Variants in RAB3IP observed in about 807,000 individuals in gnomAD.
The protein encoded by RAB3IP is rab-3A-interacting protein.
A neutral mutation model predicts 59.1 loss-of-function variants in RAB3IP; 36 were observed. The observed-to-expected ratio is 0.61, with a 90% CI of 0.47 to 0.80. The LOEUF (loss-of-function observed/expected upper bound fraction) is 0.80. RAB3IP is among the 30% of genes least tolerant of loss of function. The pLI, the probability that RAB3IP is intolerant of heterozygous loss-of-function variation, is 0.00. For synonymous variants in RAB3IP, 207 were observed against 191.2 expected, an observed-to-expected ratio of 1.08 and a Z score of -0.68; for missense variants, 511 against 536.0, an observed-to-expected ratio of 0.95 and a Z score of 0.46.
chr12:69,782,138 G>A (rs1874831282), intron 3 of RAB3IP, among the ~76,000 whole-genome samples: 1 of 152,060 alleles, frequency 6.6e-6, no homozygotes, highest in African/African-American at 2.4e-5. Flanking sequence ...ATTCTAGTAG[G>A]TATGCAGGGT....
chr12:69,743,861 ACT>A (rs1887584504), intron 1 of RAB3IP, among the ~76,000 whole-genome samples: 1 of 116,636 alleles, frequency 8.6e-6, no homozygotes, highest in South Asian at 3.0e-4. Context: ...TTCTCTAAAG[ACT>A]CTTGTTTATT....
chr12:69,804,689 G>T (rs1370394564), intron 8 of RAB3IP, among the ~76,000 whole-genome samples: 1 of 151,962 alleles, frequency 6.6e-6, no homozygotes, highest in Non-Finnish European at 1.5e-5. Flanking sequence ...GTAAGGAAGG[G>T]ATCCAGTTTC....
At chr12:69,740,311 C>T (rs1887190403) in intron 1 of RAB3IP, among the ~76,000 whole-genome samples, 1 of 152,128 alleles carries the variant, frequency 6.6e-6, no homozygotes, top group Admixed American at 6.5e-5. Context: ...TATTTATTTA[C>T]TAGTACTGTG....
intron 1 of RAB3IP, among the ~76,000 whole-genome samples, chr12:69,749,907 G>A (rs1868956725): frequency 6.6e-6 from 1 of 152,176 alleles, no homozygotes; most frequent in Admixed American, 6.5e-5. Context: ...GCACAGAGTA[G>A]GTCATTAGTA....
At chr12:69,810,370 G>T (rs1842664255) in intron 8 of RAB3IP, among the ~76,000 whole-genome samples, 1 of 152,172 alleles carries the variant, frequency 6.6e-6, no homozygotes, top group Non-Finnish European at 1.5e-5. Flanking sequence ...GAGGCAGTCT[G>T]CCTGTTCTCA....
intron 3 of RAB3IP, among the ~76,000 whole-genome samples, chr12:69,782,933 T>A (rs1276897859): frequency 6.6e-6 from 1 of 152,188 alleles, no homozygotes; most frequent in Non-Finnish European, 1.5e-5. Context: ...TGAAGGACAC[T>A]TTGGCTGGCT....
At chr12:69,768,520 C>G (rs1592506139) in intron 3 of RAB3IP, among the ~76,000 whole-genome samples, 1 of 152,164 alleles carries the variant, frequency 6.6e-6, no homozygotes, top group Non-Finnish European at 1.5e-5. Context: ...GCTCAGGCTG[C>G]TGGGCCAGGC....
At chr12:69,789,919 G>A (rs1319755934) in intron 4 of RAB3IP, among the ~76,000 whole-genome samples, 1 of 152,034 alleles carries the variant, frequency 6.6e-6, no homozygotes, top group Non-Finnish European at 1.5e-5. Context: ...AATAGATATA[G>A]GAACTTACTT....
chr12:69,785,101 G>A (rs999639466), intron 4 of RAB3IP: 5 of 203,710 alleles, frequency 2.5e-5, no homozygotes, highest in Non-Finnish European at 4.0e-5. Context: ...AAGTATTTAC[G>A]GGCTACTTTA....
At position 69,822,461 on chromosome 12, in the gene RAB3IP, T is replaced by C. The variant is rs568081925; in HGVS notation, c.*7015T>C. On this transcript the variant is annotated 3_prime_UTR_variant, in exon 11 of 11. Coordinates refer to ENST00000247833, the MANE Select transcript of RAB3IP (RefSeq NM_022456.5). The stretch of plus-strand genomic sequence containing the variant: ...ACACTTAGAATGAATATGCATGGAA[T>C]CAAATTACATTCAGAATCTACCACT... The C allele has an allele frequency of 7.2e-6, 1 of 139,746 alleles. No individual in the cohort carries two copies. The highest frequency in any genetic ancestry group is 2.3e-4 in the South Asian group (1 of 4,384). The allele number at this position is 139,746 out of a possible 1,614,324, so 8.7% of individuals were successfully genotyped here.
At position 69,801,669 on chromosome 12, in the gene RAB3IP, T is replaced by A; in HGVS notation, c.1078T>A (p.Leu360Ile). ...TACTCTAAGCATTGAACCAGTGGGA[T>A]TACAACCTATCCGGTTTGTGAAAGC... Reference protein sequence around the residue: ...NNTLSIEPVGLQPIRFVKASA... With the variant: ...NNTLSIEPVGIQPIRFVKASA... Residue 360 changes from leucine to isoleucine, a missense_variant, in exon 8 of 11, where the codon TTA becomes ATA. Coordinates refer to ENST00000247833, the MANE Select transcript of RAB3IP (RefSeq NM_022456.5). 6.2e-7 allele frequency: 1 copy of A among 1,613,292 alleles called. No individual in the cohort carries two copies. The highest frequency in any genetic ancestry group is 8.5e-7 in the Non-Finnish European group (1 of 1,179,452).
chr12:69,808,542 C>G (rs995542337), intron 8 of RAB3IP, among the ~76,000 whole-genome samples: 2 of 152,130 alleles, frequency 1.3e-5, no homozygotes, highest in African/African-American at 4.8e-5. Flanking sequence ...GAGTCTAAGT[C>G]TCTTTGTAGG....
rs1331439110 is a variant in RAB3IP, at chr12:69,754,073, A to G, written c.-25-1311A>G. 2.0e-5 allele frequency among the ~76,000 whole-genome samples: 3 copies of G among 152,298 alleles called. No homozygotes were observed. In the East Asian group the frequency reaches 5.8e-4, roughly 29 times the overall value. ...ATGGATTGTCTCCTTCAATCCTCAC[A>G]GCAACCAGGACAAGGGAGGGGCTAG... On this transcript the variant is annotated intron_variant, in intron 1 of 10. Coordinates refer to ENST00000247833, the MANE Select transcript of RAB3IP (RefSeq NM_022456.5).
chr12:69,775,319 C>T lies in RAB3IP; in HGVS notation c.511-9401C>T, dbSNP rs983348664. 3.6e-5 allele frequency among the ~76,000 whole-genome samples: 5 copies of T among 139,190 alleles called. No homozygotes were observed. The East Asian group carries it at 6.8e-4, about 19-fold the overall frequency. The allele number at this position is 139,190 out of a possible 152,430, so 91.3% of individuals were successfully genotyped here. A position where few individuals can be genotyped will look rare whatever the true frequency, so the allele number is the denominator to read the frequency against. On this transcript the variant is annotated intron_variant, in intron 3 of 10. Transcript: ENST00000247833. Reference sequence around the variant, plus strand: ...AGCTTAAGGAGATTTTGGGCTGAGACGATGGTGTTTTCTAGATAAACAATC... The same window carrying T: ...AGCTTAAGGAGATTTTGGGCTGAGATGATGGTGTTTTCTAGATAAACAATC...
chr12:69,780,511 C>T (rs985354754), intron 3 of RAB3IP, among the ~76,000 whole-genome samples: 7 of 152,224 alleles, frequency 4.6e-5, no homozygotes, highest in Non-Finnish European at 8.8e-5. Context: ...GGGCATTTCC[C>T]TGACTGTAGT....
intron 6 of RAB3IP, among the ~76,000 whole-genome samples, chr12:69,798,347 C>G (rs1344362539): frequency 2.0e-5 from 3 of 150,934 alleles, no homozygotes; most frequent in Non-Finnish European, 2.9e-5. Flanking sequence ...TGTTCATGTC[C>G]TTCGCCCACT....
intron 8 of RAB3IP, among the ~76,000 whole-genome samples, chr12:69,801,923 T>G (rs537088812): frequency 4.0e-5 from 6 of 149,530 alleles, no homozygotes; most frequent in Non-Finnish European, 7.5e-5. Context: ...GGAGAGCCCT[T>G]TTAATTATAG....
chr12:69,752,053 G>T (rs1869413697), intron 1 of RAB3IP, among the ~76,000 whole-genome samples: 1 of 146,656 alleles, frequency 6.8e-6, no homozygotes, highest in South Asian at 2.1e-4. Context: ...ACCCAGGCTG[G>T]AGTGCAGTGG....
intron 3 of RAB3IP, among the ~76,000 whole-genome samples, chr12:69,784,014 AAGG>A (rs1389665166): frequency 6.6e-6 from 1 of 152,180 alleles, no homozygotes; most frequent in Admixed American, 6.5e-5. Flanking sequence ...ACTAATATGT[AAGG>A]AGCTTAGATT....
Sources: gnomAD v4.1 joint callset for allele counts (sites outside exome capture counted in the v4.1 genomes callset) on GRCh38, gnomAD v4.1.1 for gene constraint, MANE v1.5 for transcripts, NCBI Gene and HGNC (gene_info 2026-07-23, HGNC 2026-07-21) for gene names.